WIF1: variants seen among roughly 807,000 people sequenced by gnomAD.
WIF1 encodes the protein Wnt inhibitory factor 1.
In WIF1, 35 loss-of-function variants were observed where a neutral mutation model predicts 53.5. The ratio of observed to expected loss-of-function variants is 0.65; its 90% CI spans 0.50 to 0.87. The LOEUF is 0.87. Among genes scored for constraint, WIF1 ranks in the 40% least tolerant of loss-of-function variants. The pLI, the probability that WIF1 is intolerant of heterozygous loss-of-function variation, is 0.00. For synonymous variants in WIF1, 171 were observed against 170.4 expected (o/e 1.00, Z -0.03); for missense variants, 467 against 476.8 (o/e 0.98, Z 0.19).
intron 2 of WIF1, among the ~76,000 whole-genome samples, chr12:65,080,213 C>T (rs1200312544): frequency 6.6e-6 from 1 of 152,140 alleles, no homozygotes; most frequent in Non-Finnish European, 1.5e-5. Context: ...CCACTGCATC[C>T]CCTCCTGTGA....
At chr12:65,073,925 G>A (rs912955200) in intron 3 of WIF1, among the ~76,000 whole-genome samples, 4 of 152,116 alleles carry the variant, frequency 2.6e-5, no homozygotes, top group South Asian at 2.1e-4. Context: ...GTGTGTGTGC[G>A]AGTCTGTGTG....
chr12:65,090,668 A>G (rs1883108602), intron 2 of WIF1, among the ~76,000 whole-genome samples: 1 of 152,112 alleles, frequency 6.6e-6, no homozygotes, highest in South Asian at 2.1e-4. Context: ...CAGAGGAAAG[A>G]TCAGTTGCGT....
At chr12:65,052,984 T>G (rs918421161) in intron 9 of WIF1, among the ~76,000 whole-genome samples, 2 of 152,312 alleles carry the variant, frequency 1.3e-5, no homozygotes, top group East Asian at 3.9e-4. Context: ...CTTGCATGTG[T>G]GGTCTGGACT....
chr12:65,112,404 T>TCACACA (rs758383148), intron 2 of WIF1, among the ~76,000 whole-genome samples: 15,810 of 123,294 alleles, frequency 0.13, 1,340 homozygotes, highest in Non-Finnish European at 0.16. Context: ...CCTGCTCTAA[T>TCACACA]CACACACACA....
At chr12:65,058,799 C>T (rs1240082289) in intron 7 of WIF1, among the ~76,000 whole-genome samples, 1 of 152,086 alleles carries the variant, frequency 6.6e-6, no homozygotes, top group Admixed American at 6.5e-5. Context: ...CCTGTAATCC[C>T]AGCACTTTGG....
intron 2 of WIF1, among the ~76,000 whole-genome samples, chr12:65,092,416 G>A (rs570380662): frequency 1.2e-4 from 17 of 146,142 alleles, no homozygotes; most frequent in African/African-American, 4.0e-4. Context: ...ATGTATCCCA[G>A]AACATACATA....
At chr12:65,073,804 G>T (rs951655887) in intron 3 of WIF1, among the ~76,000 whole-genome samples, 1 of 152,184 alleles carries the variant, frequency 6.6e-6, no homozygotes, top group Non-Finnish European at 1.5e-5. Context: ...AATGGTGTAA[G>T]GTTCCCATAA....
intron 2 of WIF1, among the ~76,000 whole-genome samples, chr12:65,108,303 G>C (rs1883380514): frequency 6.6e-6 from 1 of 152,156 alleles, no homozygotes. Context: ...TCAAAAGAAG[G>C]AAGGGTGATA....
intron 3 of WIF1, among the ~76,000 whole-genome samples, chr12:65,074,809 C>T (rs75168385): frequency 0.04 from 3,570 of 88,164 alleles, 182 homozygotes; most frequent in African/African-American, 0.14. Context: ...CAGAGGGACA[C>T]TCTGTCTCAA....
intron 3 of WIF1, among the ~76,000 whole-genome samples, chr12:65,071,231 C>CA (rs67928556): frequency 0.042 from 2,995 of 70,868 alleles, 63 homozygotes; most frequent in African/African-American, 0.073. Context: ...AAGACTCCAT[C>CA]AAAAAAAAAA....
chr12:65,106,251 C>T (rs1014013971), intron 2 of WIF1, among the ~76,000 whole-genome samples: 1 of 151,870 alleles, frequency 6.6e-6, no homozygotes, highest in African/African-American at 2.4e-5. Context: ...AAATGTAAGC[C>T]CACAGGCTGG....
chr12:65,087,791 G>A (rs1883062920), intron 2 of WIF1, among the ~76,000 whole-genome samples: 1 of 151,868 alleles, frequency 6.6e-6, no homozygotes, highest in Non-Finnish European at 1.5e-5. Context: ...ATCTTCTAAT[G>A]AGCAGTTTGT....
At chr12:65,108,718 C>A (rs1160193169) in intron 2 of WIF1, among the ~76,000 whole-genome samples, 1 of 152,154 alleles carries the variant, frequency 6.6e-6, no homozygotes, top group Admixed American at 6.5e-5. Flanking sequence ...TGTCCTTAGT[C>A]AAGCATCCCA....
Position 65,120,968 on chromosome 12 carries a change from G to A in WIF1, c.148+76C>T, listed in dbSNP as rs186384734. On this transcript the variant is annotated intron_variant, in intron 1 of 9. Transcript: ENST00000286574. ...AATTAAGTTTTAAAACACAAGAAACGCAGGTATCCCTCTTTCTTGAAGAGT... is the reference window on the plus strand; with the variant it reads ...AATTAAGTTTTAAAACACAAGAAACACAGGTATCCCTCTTTCTTGAAGAGT... 730 of 1,348,098 alleles carry A rather than the reference G, an allele frequency of 5.4e-4. 5 individuals carry two copies. In the African/African-American group the frequency reaches 0.01, roughly 19 times the overall value. The allele number at this position is 1,348,098 out of a possible 1,614,324, so 83.5% of individuals were successfully genotyped here. A position where few individuals can be genotyped will look rare whatever the true frequency, so the allele number is the denominator to read the frequency against.
At chr12:65,115,174 T>TAAA (rs35429732) in intron 2 of WIF1, among the ~76,000 whole-genome samples, 5 of 106,738 alleles carry the variant, frequency 4.7e-5, no homozygotes, top group Admixed American at 1.9e-4. Flanking sequence ...TTGTCATTGC[T>TAAA]AAAAAAAAAA....
chr12:65,117,374 T>C (rs1416848307), intron 2 of WIF1, among the ~76,000 whole-genome samples: 3 of 152,200 alleles, frequency 2.0e-5, no homozygotes, highest in Non-Finnish European at 4.4e-5. Context: ...TCTGACGAAG[T>C]TGATGTGGGG....
rs1031762843 is a variant in WIF1, at chr12:65,051,205, A to G, written c.*144T>C. 9.4e-7 allele frequency: 1 copy of G among 1,068,100 alleles called. No homozygotes were observed. The highest frequency in any genetic ancestry group is 1.3e-6 in the Non-Finnish European group (1 of 782,250). 66.2% of individuals were successfully genotyped at this position (1,068,100 alleles called of 1,614,324 possible). A position where few individuals can be genotyped will look rare whatever the true frequency, so the allele number is the denominator to read the frequency against. On this transcript the variant is annotated 3_prime_UTR_variant, in exon 10 of 10. Coordinates refer to ENST00000286574, the MANE Select transcript of WIF1 (RefSeq NM_007191.5). ...AGAAAACTTAAAAGGAAGAGTAAAT[A>G]TCAGCTCAGTGATTTATAATGAAGC...
In WIF1 at chr12:65,121,256, T is replaced by C; in HGVS notation, c.-65A>G. 7.3e-7 allele frequency: 1 copy of C among 1,373,208 alleles called. No homozygotes were observed. The highest frequency in any genetic ancestry group is 9.5e-7 in the Non-Finnish European group (1 of 1,055,674). The allele number at this position is 1,373,208 out of a possible 1,614,324, so 85.1% of individuals were successfully genotyped here. A position where few individuals can be genotyped will look rare whatever the true frequency, so the allele number is the denominator to read the frequency against. On this transcript the variant is annotated 5_prime_UTR_variant, in exon 1 of 10. Transcript: ENST00000286574. ...GCCGCACCTACGCAACCTGGCGCCG[T>C]CAGATACTCTGCTGCGCTGCAGCTC...
intron 2 of WIF1, among the ~76,000 whole-genome samples, chr12:65,084,562 A>G (rs576808048): frequency 6.6e-6 from 1 of 152,282 alleles, no homozygotes; most frequent in South Asian, 2.1e-4. Context: ...TTAACTTTTC[A>G]TATGTTTATA....
Sources: allele counts gnomAD v4.1 joint callset (sites outside exome capture counted in the v4.1 genomes callset), GRCh38; gene constraint gnomAD v4.1.1; transcripts MANE v1.5; gene names NCBI Gene and HGNC (gene_info 2026-07-23, HGNC 2026-07-21).